The following SNAP91 variants were observed in gnomAD, a reference collection of about 807,000 sequenced individuals.
SNAP91 encodes the protein synaptosome associated protein 91, also known as clathrin coat assembly protein AP180.
Under a neutral mutation model 100.3 loss-of-function variants are expected in SNAP91, and 27 were observed. The ratio of observed to expected loss-of-function variants is 0.27; its 90% CI spans 0.20 to 0.37. The LOEUF (loss-of-function observed/expected upper bound fraction) is 0.37. SNAP91 is among the 10% of genes least tolerant of loss of function. The pLI is 1.00. For missense variants in SNAP91, 986 were observed against 1,123.7 expected, an observed-to-expected ratio of 0.88 and a Z score of 1.75; for synonymous variants, 404 against 398.6, an observed-to-expected ratio of 1.01 and a Z score of -0.16.
At chr6:83,657,857 C>A (rs867280083) in intron 6 of SNAP91, among the ~76,000 whole-genome samples, 10 of 151,696 alleles carry the variant, frequency 6.6e-5, no homozygotes, top group Non-Finnish European at 1.5e-4. Context: ...ACCTCTGCCT[C>A]CCAGGTTCAA....
chr6:83,700,821 C>G (rs1188565794), intron 2 of SNAP91, among the ~76,000 whole-genome samples: 1 of 152,066 alleles, frequency 6.6e-6, no homozygotes, highest in Non-Finnish European at 1.5e-5. Flanking sequence ...TGGTCTCAAA[C>G]TCCTGGGCTA....
chr6:83,665,657 A>G, intron 2 of SNAP91, 76 bp from the exon 3 acceptor site: 1 of 1,372,600 alleles, frequency 7.3e-7, no homozygotes, highest in Non-Finnish European at 1.0e-6. Context: ...GGAACATATA[A>G]GCCTGTTTAC....
chr6:83,560,953 C>T lies in SNAP91; in HGVS notation c.2443-6G>A. On this transcript the variant is annotated splice_polypyrimidine_tract_variant and splice_region_variant and intron_variant, in intron 26 of 29. Transcript: ENST00000369694. ...GTTGGAGGTACAGCTCCTTGCTACA[C>T]AGATAGACAGACATACACATATAAA... 1 of 1,592,204 alleles carries T rather than the reference C, an allele frequency of 6.3e-7. No individual in the cohort carries two copies. The highest frequency in any genetic ancestry group is 1.1e-5 in the South Asian group (1 of 87,358).
chr6:83,564,786 G>A (rs1053788146), intron 26 of SNAP91, among the ~76,000 whole-genome samples: 1 of 151,710 alleles, frequency 6.6e-6, no homozygotes, highest in Non-Finnish European at 1.5e-5. Context: ...AATGTAAGAG[G>A]TAAAACTATA....
intron 2 of SNAP91, chr6:83,678,939 T>C: frequency 1.9e-6 from 2 of 1,044,320 alleles, no homozygotes; most frequent in Non-Finnish European, 2.4e-6. Flanking sequence ...AAATAATATC[T>C]AAGTGAAATG....
At chr6:83,578,113 TTCA>T (rs570468044) in intron 24 of SNAP91, among the ~76,000 whole-genome samples, 90 of 152,284 alleles carry the variant, frequency 5.9e-4, no homozygotes, top group African/African-American at 2.1e-3. Context: ...TTTTTATCCA[TTCA>T]TCAAGTGATG....
intron 2 of SNAP91, among the ~76,000 whole-genome samples, chr6:83,700,055 C>T (rs1292827514): frequency 2.0e-5 from 3 of 152,122 alleles, no homozygotes; most frequent in East Asian, 1.9e-4. Flanking sequence ...TAATGTACAG[C>T]TTTAGGGGTT....
intron 2 of SNAP91, among the ~76,000 whole-genome samples, chr6:83,692,307 G>A (rs893986959): frequency 7.2e-5 from 11 of 152,152 alleles, no homozygotes; most frequent in African/African-American, 2.7e-4. Context: ...TTGAGGTCAA[G>A]AGTTCAAGAC....
chr6:83,639,274 T>G (rs558536529), intron 8 of SNAP91, among the ~76,000 whole-genome samples: 12 of 152,300 alleles, frequency 7.9e-5, no homozygotes, highest in African/African-American at 2.9e-4. Flanking sequence ...ATTTGTACAT[T>G]GGTTGAAAAA....
intron 11 of SNAP91, among the ~76,000 whole-genome samples, chr6:83,614,045 A>T (rs2096321502): frequency 6.6e-6 from 1 of 152,192 alleles, no homozygotes; most frequent in African/African-American, 2.4e-5. Context: ...TCTTTCCAAG[A>T]TGTTAACAGG....
At chr6:83,596,499 T>C (rs565819417) in intron 16 of SNAP91, among the ~76,000 whole-genome samples, 1 of 152,156 alleles carries the variant, frequency 6.6e-6, no homozygotes, top group Admixed American at 6.5e-5. Flanking sequence ...AGGCCAATAA[T>C]ATTGCAAAGA....
chr6:83,707,853 C>T lies in SNAP91; in HGVS notation c.75G>A (p.Ala25=), dbSNP rs773989277. The T allele has an allele frequency of 2.5e-6, 4 of 1,612,924 alleles. No individual in the cohort carries two copies. The Admixed American group carries it at 5.0e-5, about 20-fold the overall frequency. The change falls in exon 2 of 30, where the codon GCG becomes GCA. Residue 25 remains alanine, a synonymous_variant. Transcript: ENST00000369694. ...YSVTGSAVAR[A]VCKATTHEVM... is the part of the protein sequence containing the mutation. ...CTTCATGAGTAGTGGCTTTGCAGAC[C>T]GCTCTTGCTACAGCAGAGCCTGTAA...
chr6:83,696,016 C>T (rs912896142), intron 2 of SNAP91, among the ~76,000 whole-genome samples: 5 of 152,120 alleles, frequency 3.3e-5, no homozygotes, highest in Non-Finnish European at 2.9e-5. Flanking sequence ...CTCATTAGCA[C>T]AGTCTCCAAT....
intron 9 of SNAP91, among the ~76,000 whole-genome samples, chr6:83,622,087 A>G (rs529046280): frequency 6.6e-6 from 1 of 152,226 alleles, no homozygotes; most frequent in East Asian, 1.9e-4. Context: ...GGCCATATCC[A>G]AAATGATACC....
chr6:83,616,922 G>A lies in SNAP91; in HGVS notation c.878+47C>T, dbSNP rs753367585. On this transcript the variant is annotated intron_variant, in intron 10 of 29. Transcript: ENST00000369694. Reference sequence around the variant, plus strand: ...TGATAAATCTCATTCTTAGAAGAACGACTGTAGTATTTTTCATCTTATTTA... The same window carrying A: ...TGATAAATCTCATTCTTAGAAGAACAACTGTAGTATTTTTCATCTTATTTA... 30 of 1,166,616 alleles carry A rather than the reference G, an allele frequency of 2.6e-5. No individual in the cohort carries two copies. In the Admixed American group the frequency reaches 5.7e-4, roughly 22 times the overall value. The allele number at this position is 1,166,616 out of a possible 1,614,324, so 72.3% of individuals were successfully genotyped here. A position where few individuals can be genotyped will look rare whatever the true frequency, so the allele number is the denominator to read the frequency against.
At chr6:83,687,669 A>T (rs2099077959) in intron 2 of SNAP91, among the ~76,000 whole-genome samples, 1 of 152,160 alleles carries the variant, frequency 6.6e-6, no homozygotes, top group South Asian at 2.1e-4. Context: ...TACTCCAACT[A>T]CTGTGTTAAG....
At position 83,591,262 on chromosome 6, in the gene SNAP91, G is replaced by C; in HGVS notation, c.1963C>G (p.Pro655Ala). Reference protein sequence around the residue: ...AFGSSASEPQPASQAASSSSA... With the variant: ...AFGSSASEPQAASQAASSSSA... ...GAACTAGAAGCAGCCTGAGATGCAG[G>C]TTGGGGTTCAGAAGCACTACTTCCA... Residue 655 changes from proline (P) to alanine (A), a missense_variant, in exon 22 of 30, where the codon CCT becomes GCT. Around this residue, in one of 4 missense-constraint regions of SNAP91, gnomAD observed 575 missense variants for 579.9 expected, o/e 0.99. Coordinates refer to ENST00000369694, the MANE Select transcript of SNAP91 (RefSeq NM_001242792.2). 1 of 1,612,936 alleles carries C rather than the reference G, an allele frequency of 6.2e-7. No homozygotes were observed. Among genetic ancestry groups the C allele is most frequent in the African/African-American group, 1.3e-5 (1 of 75,030 alleles).
At chr6:83,669,490 T>G (rs1052803627) in intron 2 of SNAP91, among the ~76,000 whole-genome samples, 1 of 152,024 alleles carries the variant, frequency 6.6e-6, no homozygotes, top group Non-Finnish European at 1.5e-5. Context: ...AACAGCTTTA[T>G]TGAAGTATAG....
chr6:83,644,895 C>T (rs217322), intron 7 of SNAP91, among the ~76,000 whole-genome samples: 56,069 of 152,018 alleles, frequency 0.37, 11,093 homozygotes, highest in South Asian at 0.5. Context: ...ATGAAAAATA[C>T]ACCTGCCTCA....
Sources: allele counts gnomAD v4.1 joint callset (sites outside exome capture counted in the v4.1 genomes callset), GRCh38; gene constraint gnomAD v4.1.1; regional missense constraint gnomAD v4.1.1; transcripts MANE v1.5; gene names NCBI Gene and HGNC (gene_info 2026-07-23, HGNC 2026-07-21).